Variants in RLF observed in about 807,000 individuals in gnomAD.
The protein encoded by RLF is RLF zinc finger.
Under a neutral mutation model 162.9 loss-of-function variants are expected in RLF, and 7 were observed. That is an observed-to-expected ratio of 0.04 (90% CI 0.02 to 0.08). RLF has a LOEUF of 0.08. Among genes scored for constraint, RLF ranks in the 10% least tolerant of loss-of-function variants. RLF has a pLI of 1.00. For missense variants in RLF, 1,664 were observed against 2,244.7 expected (o/e 0.74, Z 5.23); for synonymous variants, 782 against 791.5 (o/e 0.99, Z 0.20).
chr1:40,186,508 A>G (rs187633048), intron 1 of RLF, among the ~76,000 whole-genome samples: 88 of 152,326 alleles, frequency 5.8e-4, no homozygotes, highest in Admixed American at 9.8e-4. Flanking sequence ...TCCTGGTGGA[A>G]TGTCTGTCAG....
chr1:40,165,968 A>C (rs954129507), intron 1 of RLF, among the ~76,000 whole-genome samples: 1 of 151,854 alleles, frequency 6.6e-6, no homozygotes, highest in Admixed American at 6.6e-5. Flanking sequence ...TTCCCCATCT[A>C]CCTATTTATC....
Position 40,235,843 on chromosome 1 carries a change from C to G in RLF, c.1141C>G (p.Gln381Glu). 1 of 1,613,616 alleles carries G rather than the reference C, an allele frequency of 6.2e-7. No homozygotes were observed. The stretch of plus-strand genomic sequence containing the variant: ...AATTTTACTGTGTGTCAGAGCTCTT[C>G]AACTCAGATCAAGTGAAGATGAGGA... ...VSILLCVRAL[Q>E]LRSSEDEEMK... The change falls in exon 8 of 8, where the codon CAA becomes GAA. Residue 381 changes from glutamine (Q) to glutamate (E), a missense_variant. This residue lies in a region of RLF where 287 missense variants were observed against 404.9 expected (regional missense o/e 0.71). Coordinates refer to ENST00000372771, the MANE Select transcript of RLF (RefSeq NM_012421.4).
rs182627156 is a variant in RLF at position 40,216,631 on chromosome 1, C to T, written c.811-5943C>T. 9.2e-5 allele frequency among the ~76,000 whole-genome samples: 14 copies of T among 152,154 alleles called. No individual in the cohort carries two copies. The East Asian group carries it at 1.2e-3, about 13-fold the overall frequency. ...AGGGCCTCACTGTACAAAACATTTA[C>T]GGAAGAATTAATACCAGTCCTTCAC... On this transcript the variant is annotated intron_variant, in intron 5 of 7. Coordinates refer to ENST00000372771, the MANE Select transcript of RLF (RefSeq NM_012421.4).
intron 4 of RLF, among the ~76,000 whole-genome samples, chr1:40,199,586 T>G (rs1261373329): frequency 6.6e-6 from 1 of 152,210 alleles, no homozygotes; most frequent in African/African-American, 2.4e-5. Flanking sequence ...TGTTAACGTT[T>G]GTACACTATA....
At chr1:40,192,964 A>G (rs894128897) in intron 3 of RLF, among the ~76,000 whole-genome samples, 1 of 152,108 alleles carries the variant, frequency 6.6e-6, no homozygotes, top group African/African-American at 2.4e-5. Context: ...TTTTTACATA[A>G]TAATCATGGA....
rs1265586232 is a variant in RLF, at chr1:40,237,686, C to T, written c.2984C>T (p.Pro995Leu). Reference sequence around the variant, plus strand: ...AAGATAAAGACGAAAGATCTGTTTCCCTCTTTGGGTAATGAACATAATCAG... The same window carrying T: ...AAGATAAAGACGAAAGATCTGTTTCTCTCTTTGGGTAATGAACATAATCAG... ...PKKIKTKDLF[P>L]SLGNEHNQTT... is the part of the protein sequence containing the mutation. Residue 995 changes from proline (P) to leucine (L), a missense_variant, in exon 8 of 8, where the codon CCC (proline) becomes CTC (leucine). By Grantham distance (98) the Pro-to-Leu change is moderately conservative (BLOSUM62 -3). Coordinates refer to ENST00000372771, the MANE Select transcript of RLF (RefSeq NM_012421.4). The surrounding 1 kb of genome is among the most constrained non-coding windows in gnomAD (Gnocchi z 4.4). 1 of 1,614,082 alleles carries T rather than the reference C, an allele frequency of 6.2e-7. No homozygotes were observed. Among genetic ancestry groups the T allele is most frequent in the Non-Finnish European group, 8.5e-7 (1 of 1,179,994 alleles).
intron 1 of RLF, among the ~76,000 whole-genome samples, chr1:40,162,108 T>TATGA (rs748604880): frequency 1.3e-5 from 2 of 152,062 alleles, no homozygotes; most frequent in East Asian, 3.9e-4. Flanking sequence ...TCCTAAAAGG[T>TATGA]ATGACAGTTG....
chr1:40,202,564 T>C lies in RLF; in HGVS notation c.760T>C (p.Tyr254His), dbSNP rs1344824933. The C allele has an allele frequency of 5.8e-6, 9 of 1,563,950 alleles. No homozygotes were observed. Among genetic ancestry groups the C allele is most frequent in the African/African-American group, 1.4e-5 (1 of 71,458 alleles). ...AAATGTGTCATCTTTTCAGCAAGCC[T>C]ATATCACATGTTTATGTTCTATGCT... is the stretch of plus-strand genomic sequence containing the variant. ...ISNVSSFQQA[Y>H]ITCLCSMLPN... The change falls in exon 5 of 8, where the codon TAT becomes CAT. Residue 254 changes from tyrosine to histidine, a missense_variant. Transcript: ENST00000372771.
chr1:40,218,313 G>T (rs1642952294), intron 5 of RLF, among the ~76,000 whole-genome samples: 1 of 152,156 alleles, frequency 6.6e-6, no homozygotes, highest in Admixed American at 6.5e-5. Flanking sequence ...CCTCATTGGG[G>T]CTTGACAAGT....
intron 7 of RLF, among the ~76,000 whole-genome samples, chr1:40,233,827 T>A (rs529087649): frequency 6.6e-6 from 1 of 152,298 alleles, no homozygotes; most frequent in Admixed American, 6.5e-5. Context: ...CTTTCCCCCT[T>A]CTCACTATTA....
chr1:40,185,473 CCTGTTATTTGGATGG>C (rs1642462079), intron 1 of RLF, among the ~76,000 whole-genome samples: 2 of 107,446 alleles, frequency 1.9e-5, no homozygotes, highest in South Asian at 7.6e-4. Flanking sequence ...TTACAGCCAT[CCTGTTATTTGGATGG>C]CTGTAATCCT....
At chr1:40,168,802 G>A (rs2124523740) in intron 1 of RLF, among the ~76,000 whole-genome samples, 1 of 151,620 alleles carries the variant, frequency 6.6e-6, no homozygotes, top group African/African-American at 2.4e-5. Context: ...GACCAGCCTG[G>A]CCAACATGGT....
chr1:40,215,373 C>T (rs2124549661), intron 5 of RLF, among the ~76,000 whole-genome samples: 1 of 152,168 alleles, frequency 6.6e-6, no homozygotes, highest in Middle Eastern at 3.4e-3. Context: ...CAGGATAGAC[C>T]ATGTGTTAGC....
At chr1:40,174,970 C>A (rs896467057) in intron 1 of RLF, among the ~76,000 whole-genome samples, 1 of 151,962 alleles carries the variant, frequency 6.6e-6, no homozygotes. Flanking sequence ...GAGACCAAGG[C>A]GGGAGGATCT....
rs61781760 is a variant in RLF at position 40,202,583 on chromosome 1, C to G, written c.779C>G (p.Ser260Cys). Residue 260 changes from serine to cysteine, a missense_variant, in exon 5 of 8, where the codon TCT becomes TGT. Physicochemically the swap from Ser to Cys is moderately radical, Grantham distance 112 (BLOSUM62 -1). This residue lies in a region of RLF where 287 missense variants were observed against 404.9 expected (regional missense o/e 0.71). Coordinates refer to ENST00000372771, the MANE Select transcript of RLF (RefSeq NM_012421.4). ...CAAGCCTATATCACATGTTTATGTT[C>G]TATGCTCCCTAATGAAGATGCTATT... ...FQQAYITCLC[S>C]MLPNEDAIKE... is the part of the protein sequence containing the mutation. 4,436 of 1,546,532 alleles carry G rather than the reference C, an allele frequency of 2.9e-3. 62 individuals carry two copies. In the East Asian group the frequency reaches 0.039, roughly 14 times the overall value.
chr1:40,216,147 AATTAC>A (rs1642921221), intron 5 of RLF, among the ~76,000 whole-genome samples: 1 of 152,200 alleles, frequency 6.6e-6, no homozygotes, highest in Non-Finnish European at 1.5e-5. Flanking sequence ...TTTGCCAACA[AATTAC>A]ATTACTGGAT....
Position 40,237,266 on chromosome 1 carries a change from C to G in RLF, c.2564C>G (p.Pro855Arg). ...GAAAAGCAAGATTGTATTAATCAGC[C>G]CCATCTACTTAACCAAACTGATAAA... ...TGEKQDCINQ[P>R]HLLNQTDKSH... Residue 855 changes from proline to arginine, a missense_variant, in exon 8 of 8, where the codon CCC becomes CGC. Physicochemically the swap from Pro to Arg is moderately radical, Grantham distance 103. Coordinates refer to ENST00000372771, the MANE Select transcript of RLF (RefSeq NM_012421.4). The surrounding 1 kb of genome is among the most constrained non-coding windows in gnomAD (Gnocchi z 4.4). 6.2e-7 allele frequency: 1 copy of G among 1,613,918 alleles called. No individual in the cohort carries two copies. Among genetic ancestry groups the G allele is most frequent in the African/African-American group, 1.3e-5 (1 of 74,990 alleles).
chr1:40,194,874 C>G (rs2124538100), intron 3 of RLF, among the ~76,000 whole-genome samples: 1 of 151,722 alleles, frequency 6.6e-6, no homozygotes, highest in East Asian at 2.0e-4. Flanking sequence ...TGTTCTGTCA[C>G]CCAGGCTGGA....
rs182796972 is a variant in RLF at position 40,193,668 on chromosome 1, A to G, written c.475-1964A>G. On this transcript the variant is annotated intron_variant, in intron 3 of 7. Transcript: ENST00000372771. ...ATTGCAGCATTTGTTAAATATTGCT[A>G]TTGGTGAACTAATAATTAGAAATAT... Among the ~76,000 whole-genome samples, 13 of 152,310 alleles carry G rather than the reference A, an allele frequency of 8.5e-5. No individual in the cohort carries two copies. In the East Asian group the frequency reaches 1.9e-3, roughly 23 times the overall value.
Sources: allele counts gnomAD v4.1 joint callset (sites outside exome capture counted in the v4.1 genomes callset), GRCh38; gene constraint gnomAD v4.1.1; regional missense constraint gnomAD v4.1.1; non-coding constraint Gnocchi (gnomAD v3.1); transcripts MANE v1.5; gene names NCBI Gene and HGNC (gene_info 2026-07-23, HGNC 2026-07-21).